Variants in TBC1D2B observed in about 807,000 individuals in gnomAD.
TBC1D2B encodes the protein TBC1 domain family, member 2B.
A neutral mutation model predicts 100.8 loss-of-function variants in TBC1D2B; 64 were observed. The ratio of observed to expected loss-of-function variants is 0.64; its 90% CI spans 0.52 to 0.78. The LOEUF (loss-of-function observed/expected upper bound fraction) is 0.78. Ranked by LOEUF, TBC1D2B falls within the 30% of genes least tolerant of loss-of-function variation. The probability of loss-of-function intolerance (pLI) is 0.00; values close to 1 mark genes in which losing one functional copy is unlikely to be tolerated. For missense variants in TBC1D2B, 1,052 were observed against 1,218.4 expected (o/e 0.86, Z 2.03); for synonymous variants, 480 against 479.7 (o/e 1.00, Z -0.01).
chr15:78,063,563 T>C (rs961605546), intron 1 of TBC1D2B, among the ~76,000 whole-genome samples: 1 of 152,146 alleles, frequency 6.6e-6, no homozygotes, highest in African/African-American at 2.4e-5. Flanking sequence ...GTAGAGAAGG[T>C]CCTCTGGACA....
intron 6 of TBC1D2B, 51 bp downstream of exon 6, chr15:78,024,105 G>T: frequency 6.5e-7 from 1 of 1,548,978 alleles, no homozygotes; most frequent in Non-Finnish European, 8.7e-7. Context: ...CCTCTGGGGT[G>T]ACATCGGTGG....
intron 1 of TBC1D2B, among the ~76,000 whole-genome samples, chr15:78,062,040 T>A (rs1449461539): frequency 6.6e-6 from 1 of 151,988 alleles, no homozygotes; most frequent in Non-Finnish European, 1.5e-5. Context: ...AACAAAACAC[T>A]CTGTCAAGAC....
At chr15:78,045,417 A>C (rs547410550) in intron 2 of TBC1D2B, among the ~76,000 whole-genome samples, 37 of 152,378 alleles carry the variant, frequency 2.4e-4, no homozygotes, top group African/African-American at 8.7e-4. Flanking sequence ...TGTACTGATA[A>C]GAAACAATTT....
chr15:78,023,428 G>A (rs1209014345), intron 6 of TBC1D2B, among the ~76,000 whole-genome samples: 2 of 152,186 alleles, frequency 1.3e-5, no homozygotes, highest in Non-Finnish European at 2.9e-5. Context: ...CCTCCCCTCT[G>A]AATCATTAGG....
At chr15:78,040,946 A>ATCTGGGGATACTAACTGCAGT (rs2073082163) in intron 3 of TBC1D2B, among the ~76,000 whole-genome samples, 1 of 150,828 alleles carries the variant, frequency 6.6e-6, no homozygotes, top group South Asian at 2.1e-4. Flanking sequence ...GAAGAGATCA[A>ATCTGGGGATACTAACTGCAGT]TCTGGGGATA....
chr15:78,072,643 A>G (rs1596333235), intron 1 of TBC1D2B, among the ~76,000 whole-genome samples: 1 of 152,326 alleles, frequency 6.6e-6, no homozygotes, highest in Non-Finnish European at 1.5e-5. Flanking sequence ...ACACATGTCT[A>G]TTTAGCACCA....
At chr15:78,067,880 A>ACCC (rs2073683564) in intron 1 of TBC1D2B, among the ~76,000 whole-genome samples, 3 of 152,240 alleles carry the variant, frequency 2.0e-5, no homozygotes, top group Admixed American at 6.5e-5. Context: ...GCAGCTACAC[A>ACCC]ATTATACCAA....
At chr15:78,036,406 C>T (rs28628734) in intron 3 of TBC1D2B, among the ~76,000 whole-genome samples, 1,738 of 152,156 alleles carry the variant, frequency 0.011, 37 homozygotes, top group African/African-American at 0.039. Flanking sequence ...ATCATTGTGA[C>T]GGTATTAAGA....
intron 1 of TBC1D2B, among the ~76,000 whole-genome samples, chr15:78,055,607 G>T (rs918450217): frequency 6.6e-6 from 1 of 152,202 alleles, no homozygotes; most frequent in Non-Finnish European, 1.5e-5. Flanking sequence ...CCAAGCAAAG[G>T]ATAACCTGTG....
chr15:78,066,495 T>C (rs10444863), intron 1 of TBC1D2B, among the ~76,000 whole-genome samples: 21,703 of 152,214 alleles, frequency 0.14, 1,823 homozygotes, highest in Non-Finnish European at 0.19. Flanking sequence ...GGCAGATTCC[T>C]GAGGCCCACT....
intron 6 of TBC1D2B, among the ~76,000 whole-genome samples, chr15:78,021,920 A>G (rs991999073): frequency 5.9e-5 from 9 of 152,226 alleles, no homozygotes; most frequent in Non-Finnish European, 1.3e-4. Context: ...GCCACGAAGC[A>G]TAACCTCCAC....
chr15:78,069,061 T>C lies in TBC1D2B; in HGVS notation c.360+8232A>G, dbSNP rs536626584. Among the ~76,000 whole-genome samples, 3 of 152,322 alleles carry C rather than the reference T, an allele frequency of 2.0e-5. No homozygotes were observed. In the East Asian group the frequency reaches 5.8e-4, roughly 29 times the overall value. The stretch of plus-strand genomic sequence containing the variant: ...GTTACTGTTTGTATTTTGTTCTGAC[T>C]GGAGGTGGGAAGTCTGCACCCCAGT... On this transcript the variant is annotated intron_variant, in intron 1 of 12. Transcript: ENST00000300584.
At chr15:78,031,607 T>G (rs2141720423) in intron 3 of TBC1D2B, among the ~76,000 whole-genome samples, 1 of 143,046 alleles carries the variant, frequency 7.0e-6, no homozygotes, top group African/African-American at 2.5e-5. Context: ...TAAAGTTCTG[T>G]TTTTAAAAAT....
chr15:78,055,886 AG>A, intron 1 of TBC1D2B, among the ~76,000 whole-genome samples: 1 of 152,346 alleles, frequency 6.6e-6, no homozygotes, highest in African/African-American at 2.4e-5. Context: ...GTGCTATGAC[AG>A]AAAGCAGAGC....
intron 1 of TBC1D2B, among the ~76,000 whole-genome samples, chr15:78,058,258 A>T (rs7166819): frequency 0.49 from 74,199 of 152,080 alleles, 19,031 homozygotes; most frequent in East Asian, 0.63. Context: ...TTGGTGGGAG[A>T]TCTGGCTTGG....
chr15:78,026,824 C>T (rs866600301), intron 4 of TBC1D2B, among the ~76,000 whole-genome samples: 3 of 151,674 alleles, frequency 2.0e-5, no homozygotes, highest in Non-Finnish European at 4.4e-5. Context: ...TCACTTGAAC[C>T]CGGGAGGCAA....
intron 1 of TBC1D2B, among the ~76,000 whole-genome samples, chr15:78,063,305 A>G (rs1444105909): frequency 1.3e-5 from 2 of 152,242 alleles, no homozygotes; most frequent in Non-Finnish European, 2.9e-5. Context: ...CCAAAATCTC[A>G]TAGCCACTTG....
chr15:78,056,760 T>C (rs2073433419), intron 1 of TBC1D2B, among the ~76,000 whole-genome samples: 1 of 144,186 alleles, frequency 6.9e-6, no homozygotes, highest in Admixed American at 7.2e-5. Context: ...GTGACTTGTC[T>C]AGGTCATACA....
chr15:78,033,997 T>C (rs1029751257), intron 3 of TBC1D2B, among the ~76,000 whole-genome samples: 3 of 152,228 alleles, frequency 2.0e-5, no homozygotes, highest in Non-Finnish European at 4.4e-5. Flanking sequence ...CCAGCAATTA[T>C]GCCTGTTTAG....
Sources: allele counts gnomAD v4.1 joint callset (sites outside exome capture counted in the v4.1 genomes callset), GRCh38; gene constraint gnomAD v4.1.1; transcripts MANE v1.5; gene names NCBI Gene and HGNC (gene_info 2026-07-23, HGNC 2026-07-21).